LSAMP: variants seen among roughly 807,000 people sequenced by gnomAD.
LSAMP encodes limbic system-associated membrane protein.
LSAMP carries 7 observed loss-of-function variants against 38.6 expected under a neutral mutation model. The observed-to-expected ratio is 0.18, with a 90% CI of 0.10 to 0.34. The LOEUF (loss-of-function observed/expected upper bound fraction) is 0.34, where lower values mean the gene tolerates loss of function less well. Ranked by LOEUF, LSAMP falls within the 10% of genes least tolerant of loss-of-function variation. The pLI, the probability that LSAMP is intolerant of heterozygous loss-of-function variation, is 1.00. For synonymous variants in LSAMP, 154 were observed against 166.8 expected (o/e 0.92, Z 0.59); for missense variants, 313 against 420.0 (o/e 0.75, Z 2.23).
At chr3:116,308,189 T>A (rs1484332400) in intron 1 of LSAMP, among the ~76,000 whole-genome samples, 1 of 152,006 alleles carries the variant, frequency 6.6e-6, no homozygotes, top group Non-Finnish European at 1.5e-5. Flanking sequence ...ATCTTACATG[T>A]CATCTATACA....
intron 1 of LSAMP, among the ~76,000 whole-genome samples, chr3:116,199,334 A>G (rs560656948): frequency 6.6e-6 from 1 of 152,320 alleles, no homozygotes; most frequent in South Asian, 2.1e-4. Context: ...CTTTCCTGAT[A>G]TTCAATCCCA....
intron 1 of LSAMP, among the ~76,000 whole-genome samples, chr3:116,292,621 GA>G (rs2047282791): frequency 6.6e-6 from 1 of 152,114 alleles, no homozygotes; most frequent in Non-Finnish European, 1.5e-5. Flanking sequence ...ACAAATGTAC[GA>G]TTTTGTTTAT....
At chr3:116,208,659 C>A (rs558691446) in intron 1 of LSAMP, among the ~76,000 whole-genome samples, 27 of 152,148 alleles carry the variant, frequency 1.8e-4, no homozygotes, top group East Asian at 3.9e-4. Flanking sequence ...AATACCCTGC[C>A]GTGTGAGGTG....
At chr3:116,265,090 A>C (rs554228861) in intron 1 of LSAMP, among the ~76,000 whole-genome samples, 2 of 152,004 alleles carry the variant, frequency 1.3e-5, no homozygotes, top group Non-Finnish European at 2.9e-5. Context: ...ATGAATAACA[A>C]AATACATTCC....
intron 2 of LSAMP, among the ~76,000 whole-genome samples, chr3:116,078,653 C>T (rs542743104): frequency 1.3e-5 from 2 of 152,170 alleles, no homozygotes; most frequent in Non-Finnish European, 2.9e-5. Flanking sequence ...TAAATAGTGC[C>T]TAATTTATAT....
chr3:116,311,686 A>G (rs1202591550), intron 1 of LSAMP, among the ~76,000 whole-genome samples: 1 of 152,152 alleles, frequency 6.6e-6, no homozygotes. Context: ...AACTTTTGAG[A>G]CCTAGTTCCT....
intron 3 of LSAMP, among the ~76,000 whole-genome samples, chr3:116,015,228 G>T (rs1208581820): frequency 1.3e-5 from 2 of 152,156 alleles, no homozygotes; most frequent in Non-Finnish European, 2.9e-5. Flanking sequence ...TTCAGTGATA[G>T]AAAACTACGG....
intron 3 of LSAMP, among the ~76,000 whole-genome samples, chr3:115,928,338 T>A (rs1357183852): frequency 6.6e-6 from 1 of 152,184 alleles, no homozygotes; most frequent in African/African-American, 2.4e-5. Flanking sequence ...TCATAGAACA[T>A]CTCACTGAGC....
At chr3:116,050,528 AGG>A (rs148680512) in intron 2 of LSAMP, among the ~76,000 whole-genome samples, 65,099 of 150,264 alleles carry the variant, frequency 0.43, 14,770 homozygotes, top group African/African-American at 0.57. Flanking sequence ...TGGGGAAATT[AGG>A]GGGAAAAAAA....
Position 116,239,218 on chromosome 3 carries a change from C to T in LSAMP, c.156-152662G>A, listed in dbSNP as rs571679822. Among the ~76,000 whole-genome samples the T allele has an allele frequency of 2.0e-5, 3 of 152,238 alleles. No individual in the cohort carries two copies. In the South Asian group the frequency reaches 6.2e-4, roughly 32 times the overall value. ...CACATGAGTAGAGTAAAGGGGATGA[C>T]TTGGTGTCCCAATCAGTATATGCTG... On this transcript the variant is annotated intron_variant, in intron 1 of 6. Transcript: ENST00000490035.
intron 1 of LSAMP, among the ~76,000 whole-genome samples, chr3:116,256,052 G>A (rs528411800): frequency 6.6e-6 from 1 of 152,198 alleles, no homozygotes; most frequent in African/African-American, 2.4e-5. Context: ...AATAAAATGC[G>A]TAATTAATTT....
intron 3 of LSAMP, among the ~76,000 whole-genome samples, chr3:116,007,909 T>C (rs945858262): frequency 7.9e-5 from 12 of 152,186 alleles, no homozygotes; most frequent in Non-Finnish European, 1.8e-4. Context: ...CATGTAGGTC[T>C]GGTGTGGAGT....
chr3:116,050,020 T>G (rs1165744612), intron 2 of LSAMP, among the ~76,000 whole-genome samples: 1 of 152,214 alleles, frequency 6.6e-6, no homozygotes, highest in African/African-American at 2.4e-5. Context: ...CCCTGCTCTG[T>G]GCCCTGGGAG....
chr3:116,391,163 T>C (rs2107812501), intron 1 of LSAMP, among the ~76,000 whole-genome samples: 1 of 152,348 alleles, frequency 6.6e-6, no homozygotes, highest in African/African-American at 2.4e-5. Flanking sequence ...CAGGGAATGA[T>C]TCCGGGGAAA....
intron 1 of LSAMP, among the ~76,000 whole-genome samples, chr3:116,247,996 G>A (rs2046625591): frequency 6.6e-6 from 1 of 152,136 alleles, no homozygotes; most frequent in African/African-American, 2.4e-5. Flanking sequence ...AAAGAGTATG[G>A]TGCCCTTGGG....
intron 1 of LSAMP, among the ~76,000 whole-genome samples, chr3:116,267,611 C>CA (rs59540404): frequency 0.67 from 93,071 of 139,804 alleles, 33,846 homozygotes; most frequent in East Asian, 0.83. Context: ...TTTAAGCTGG[C>CA]AAAAAAAAAA....
chr3:115,958,073 TA>T (rs911821125), intron 3 of LSAMP, among the ~76,000 whole-genome samples: 1 of 152,230 alleles, frequency 6.6e-6, no homozygotes, highest in East Asian at 1.9e-4. Flanking sequence ...ATACTTACAT[TA>T]AAAAAATCTA....
At chr3:116,099,017 GT>G (rs1254269800) in intron 1 of LSAMP, among the ~76,000 whole-genome samples, 1 of 152,222 alleles carries the variant, frequency 6.6e-6, no homozygotes, top group African/African-American at 2.4e-5. Context: ...CGCTGGTAAG[GT>G]GATGAAAGTG....
At chr3:115,964,621 G>T (rs1938737131) in intron 3 of LSAMP, among the ~76,000 whole-genome samples, 1 of 152,078 alleles carries the variant, frequency 6.6e-6, no homozygotes, top group African/African-American at 2.4e-5. Context: ...ATGCGCAGAT[G>T]ATAAAATTGT....
Sources: allele counts gnomAD v4.1 joint callset (sites outside exome capture counted in the v4.1 genomes callset), GRCh38; gene constraint gnomAD v4.1.1; transcripts MANE v1.5; gene names NCBI Gene and HGNC (gene_info 2026-07-23, HGNC 2026-07-21).